Variants in CAST observed in about 807,000 individuals in gnomAD.
The protein encoded by CAST is MIR583 host.
CAST carries 76 observed loss-of-function variants against 119.6 expected under a neutral mutation model. That is an observed-to-expected ratio of 0.64 (90% confidence interval 0.53 to 0.77). CAST has a LOEUF of 0.77. Among genes scored for constraint, CAST ranks in the 30% least tolerant of loss-of-function variants. The pLI is 0.00. For synonymous variants in CAST, 319 were observed against 331.6 expected (o/e 0.96, Z 0.41); for missense variants, 953 against 946.5 (o/e 1.01, Z -0.09).
the CAST span, among the ~76,000 whole-genome samples, chr5:96,373,254 A>G: frequency 6.6e-6 from 1 of 152,150 alleles, no homozygotes; most frequent in Non-Finnish European, 1.5e-5. Flanking sequence ...GATCATTTCT[A>G]CTTGTGGGCT....
intron 1 of CAST, among the ~76,000 whole-genome samples, chr5:96,636,522 T>C (rs1428754552): frequency 2.9e-4 from 40 of 137,030 alleles, no homozygotes; most frequent in Admixed American, 2.8e-3. Context: ...CTTAGTATTA[T>C]GGACTACCAT....
the CAST span, among the ~76,000 whole-genome samples, chr5:96,250,604 A>C: frequency 6.6e-6 from 1 of 152,114 alleles, no homozygotes; most frequent in Non-Finnish European, 1.5e-5. Flanking sequence ...AATGTAAGGA[A>C]AGCAAGGAAT....
rs868427287 is a variant in CAST at position 96,766,335 on chromosome 5, A to C, written c.2130+190A>C. Among the ~76,000 whole-genome samples, 54 of 152,322 alleles carry C rather than the reference A, an allele frequency of 3.5e-4. No homozygotes were observed. The Middle Eastern group carries it at 0.01, about 29-fold the overall frequency. On this transcript the variant is annotated intron_variant, in intron 27 of 31. Transcript: ENST00000675179. Reference sequence around the variant, plus strand: ...TTTGAGCCAATATCATTATATATGCATATGCTAGGCTCTGTGGTATAAACA... The same window carrying C: ...TTTGAGCCAATATCATTATATATGCCTATGCTAGGCTCTGTGGTATAAACA...
the CAST span, among the ~76,000 whole-genome samples, chr5:96,183,054 G>A: frequency 2.0e-5 from 3 of 151,908 alleles, no homozygotes; most frequent in African/African-American, 7.3e-5. Flanking sequence ...CAGGAGAATG[G>A]CGTGAACCCG....
chr5:96,666,609 A>G (rs896266039), intron 1 of CAST, among the ~76,000 whole-genome samples: 4 of 152,244 alleles, frequency 2.6e-5, no homozygotes, highest in African/African-American at 4.8e-5. Flanking sequence ...CAAAAAGGGC[A>G]TAGACTTTAG....
the CAST span, among the ~76,000 whole-genome samples, chr5:96,472,754 G>A: frequency 2.6e-5 from 4 of 152,190 alleles, no homozygotes; most frequent in African/African-American, 7.2e-5. Flanking sequence ...TCTAATGTAA[G>A]AAGGTATGAT....
At chr5:96,428,810 A>C in the CAST span, among the ~76,000 whole-genome samples, 15 of 152,286 alleles carry the variant, frequency 9.8e-5, no homozygotes, top group East Asian at 2.9e-3. Context: ...TTGGTATTAA[A>C]GTGTTTGGTA....
intron 1 of CAST, among the ~76,000 whole-genome samples, chr5:96,548,600 A>G (rs917505052): frequency 2.6e-5 from 4 of 151,944 alleles, no homozygotes; most frequent in Non-Finnish European, 5.9e-5. Context: ...CATTGTCCTC[A>G]CTGAAATCAG....
intron 1 of CAST, among the ~76,000 whole-genome samples, chr5:96,578,368 C>T (rs905767683): frequency 2.0e-5 from 3 of 150,554 alleles, no homozygotes; most frequent in South Asian, 2.1e-4. Flanking sequence ...ATATGCTCAA[C>T]TGTATGCGGT....
intron 1 of CAST, among the ~76,000 whole-genome samples, chr5:96,550,432 G>A (rs892506335): frequency 2.0e-5 from 3 of 152,122 alleles, no homozygotes; most frequent in African/African-American, 7.2e-5. Context: ...AAAGACCAAA[G>A]GTAGATAAAA....
the CAST span, among the ~76,000 whole-genome samples, chr5:96,274,069 G>A: frequency 2.0e-5 from 3 of 151,898 alleles, no homozygotes; most frequent in African/African-American, 7.3e-5. Flanking sequence ...GGAAGGGATG[G>A]TGTGAGAGAA....
At chr5:96,692,413 A>T (rs1752830643) in intron 2 of CAST, among the ~76,000 whole-genome samples, 2 of 152,284 alleles carry the variant, frequency 1.3e-5, no homozygotes, top group South Asian at 4.1e-4. Context: ...GATGATCCCA[A>T]ACTCATGTGA....
At position 96,757,570 on chromosome 5, in the gene CAST, C is replaced by G; in HGVS notation, c.1762-13C>G. 5 of 1,613,494 alleles carry G rather than the reference C, an allele frequency of 3.1e-6. No homozygotes were observed. Among genetic ancestry groups the G allele is most frequent in the Non-Finnish European group, 4.2e-6 (5 of 1,179,430 alleles). On this transcript the variant is annotated splice_polypyrimidine_tract_variant and intron_variant, in intron 23 of 31. Transcript: ENST00000675179. Reference sequence around the variant, plus strand: ...GCAATGGTGTTTGTTGATACATTTCCTGGTTCTTGCAGCCCATGAGTGAAG... The same window carrying G: ...GCAATGGTGTTTGTTGATACATTTCGTGGTTCTTGCAGCCCATGAGTGAAG...
the CAST span, among the ~76,000 whole-genome samples, chr5:96,239,942 G>A: frequency 6.6e-6 from 1 of 151,458 alleles, no homozygotes; most frequent in Non-Finnish European, 1.5e-5. Context: ...CTTTTACCCA[G>A]GCACACTTAT....
At chr5:96,495,399 C>T in the CAST span, among the ~76,000 whole-genome samples, 2 of 151,908 alleles carry the variant, frequency 1.3e-5, no homozygotes, top group African/African-American at 4.8e-5. Flanking sequence ...GGTAGTTGTC[C>T]TAATGCTCTC....
intron 9 of CAST, among the ~76,000 whole-genome samples, chr5:96,731,837 AT>A (rs1334196503): frequency 1.1e-4 from 16 of 151,758 alleles, no homozygotes; most frequent in African/African-American, 3.9e-4. Context: ...TGAACTCATC[AT>A]TTTTTATGGC....
At chr5:96,339,571 T>C in the CAST span, among the ~76,000 whole-genome samples, 18 of 152,320 alleles carry the variant, frequency 1.2e-4, no homozygotes, top group Admixed American at 1.1e-3. Flanking sequence ...ATTTGTTTCA[T>C]TGGAAGAACA....
At chr5:96,390,314 A>G in the CAST span, 2 of 152,222 alleles carry the variant, frequency 1.3e-5, no homozygotes, top group African/African-American at 2.4e-5. Context: ...GGGAAACACA[A>G]TAAAAGAGGG....
the CAST span, among the ~76,000 whole-genome samples, chr5:96,503,505 C>T: frequency 6.6e-6 from 1 of 152,280 alleles, no homozygotes; most frequent in Non-Finnish European, 1.5e-5. Flanking sequence ...AAAGAAAGCT[C>T]TTACCCACCT....
Sources: allele counts gnomAD v4.1 joint callset (sites outside exome capture counted in the v4.1 genomes callset), GRCh38; gene constraint gnomAD v4.1.1; transcripts MANE v1.5; gene names NCBI Gene and HGNC (gene_info 2026-07-23, HGNC 2026-07-21).